Variants in RBFOX2 observed in about 807,000 individuals in gnomAD.
RBFOX2 encodes the protein RNA binding fox-1 homolog 2.
A neutral mutation model predicts 49.1 loss-of-function variants in RBFOX2; 10 were observed. The ratio of observed to expected loss-of-function variants is 0.20; its 90% CI spans 0.13 to 0.35. RBFOX2 has a LOEUF of 0.35. Among genes scored for constraint, RBFOX2 ranks in the 10% least tolerant of loss-of-function variants. RBFOX2 has a pLI of 1.00. For missense variants in RBFOX2, 323 were observed against 486.9 expected, an observed-to-expected ratio of 0.66 and a Z score of 3.17; for synonymous variants, 183 against 187.4, an observed-to-expected ratio of 0.98 and a Z score of 0.19.
chr22:35,978,835 T>C (rs2057322450), intron 1 of RBFOX2, among the ~76,000 whole-genome samples: 1 of 152,120 alleles, frequency 6.6e-6, no homozygotes, highest in African/African-American at 2.4e-5. Flanking sequence ...GACACAGAAA[T>C]AGAGGACTAG....
At chr22:35,861,487 CA>C (rs935147348) in intron 1 of RBFOX2, among the ~76,000 whole-genome samples, 1 of 151,012 alleles carries the variant, frequency 6.6e-6, no homozygotes, top group Non-Finnish European at 1.5e-5. Flanking sequence ...AAAAAATGGG[CA>C]AAAAAAATGA....
chr22:35,861,337 A>G (rs1237755136), intron 1 of RBFOX2, among the ~76,000 whole-genome samples: 2 of 152,194 alleles, frequency 1.3e-5, no homozygotes, highest in African/African-American at 2.4e-5. Flanking sequence ...TTATCAAAAG[A>G]CACTGTGAGG....
At chr22:35,850,192 A>G (rs2041760525) in intron 1 of RBFOX2, among the ~76,000 whole-genome samples, 1 of 132,812 alleles carries the variant, frequency 7.5e-6, no homozygotes, top group Non-Finnish European at 1.6e-5. Flanking sequence ...TCTCTCTCTC[A>G]TACACACACA....
At chr22:35,811,524 T>C (rs529098093) in intron 1 of RBFOX2, among the ~76,000 whole-genome samples, 30 of 152,318 alleles carry the variant, frequency 2.0e-4, no homozygotes, top group Middle Eastern at 6.8e-3. Context: ...CTTGCACTTC[T>C]AGCCTCCAGA....
upstream of RBFOX2, chr22:35,840,648 G>T: frequency 9.5e-7 from 1 of 1,049,986 alleles, no homozygotes; most frequent in Non-Finnish European, 1.2e-6. Flanking sequence ...GTGTGTGTGT[G>T]TGTGTGTGTA....
chr22:35,762,067 G>A (rs1053516075), intron 6 of RBFOX2, among the ~76,000 whole-genome samples: 7 of 152,158 alleles, frequency 4.6e-5, no homozygotes, highest in Admixed American at 3.9e-4. Flanking sequence ...TAAAATTCAA[G>A]GTACATTCCC....
intron 1 of RBFOX2, among the ~76,000 whole-genome samples, chr22:36,013,230 G>A (rs949028252): frequency 6.6e-6 from 1 of 151,514 alleles, no homozygotes; most frequent in African/African-American, 2.4e-5. Flanking sequence ...CTATGATTTC[G>A]CCACTGCACT....
intron 1 of RBFOX2, among the ~76,000 whole-genome samples, chr22:35,902,684 G>C (rs948902142): frequency 6.6e-6 from 1 of 151,446 alleles, no homozygotes; most frequent in Admixed American, 6.6e-5. Context: ...TCACTCTGTC[G>C]CCCAGGCTGG....
chr22:35,791,562 A>C (rs992186636), intron 2 of RBFOX2, among the ~76,000 whole-genome samples: 1 of 152,136 alleles, frequency 6.6e-6, no homozygotes, highest in Admixed American at 6.6e-5. Context: ...AAAGAGACTG[A>C]AAGTACATTC....
At chr22:35,991,791 A>T (rs1199239361) in intron 1 of RBFOX2, among the ~76,000 whole-genome samples, 1 of 152,230 alleles carries the variant, frequency 6.6e-6, no homozygotes, top group Non-Finnish European at 1.5e-5. Flanking sequence ...CACCAGATTC[A>T]GGTTTCTGGC....
intron 1 of RBFOX2, chr22:35,898,207 C>G: frequency 1.3e-6 from 1 of 756,674 alleles, no homozygotes; most frequent in Non-Finnish European, 2.4e-6. Context: ...AACACATCGG[C>G]CCAGGAATCC....
exon 12 of RBFOX2, chr22:35,742,484 TAAAAAC>T (rs1405950516): frequency 6.6e-6 from 1 of 152,664 alleles, no homozygotes; most frequent in African/African-American, 2.4e-5. Context: ...AGGCAGGAGT[TAAAAAC>T]AAACCCAAAA....
chr22:36,004,948 CA>C (rs2146293703), intron 1 of RBFOX2, among the ~76,000 whole-genome samples: 1 of 152,306 alleles, frequency 6.6e-6, no homozygotes, highest in African/African-American at 2.4e-5. Context: ...GAAGTGTCAA[CA>C]CCACCACCTC....
intron 1 of RBFOX2, among the ~76,000 whole-genome samples, chr22:35,861,877 C>T (rs917255846): frequency 9.2e-5 from 14 of 152,066 alleles, no homozygotes; most frequent in Admixed American, 4.6e-4. Context: ...TCCAAATATC[C>T]ATCAACAGAT....
chr22:35,961,687 C>T, upstream of RBFOX2: 7 of 1,302,892 alleles, frequency 5.4e-6, no homozygotes, highest in Non-Finnish European at 7.1e-6. Flanking sequence ...ACCTCACCTC[C>T]TCCTGCTTCC....
upstream of RBFOX2, among the ~76,000 whole-genome samples, chr22:35,940,712 A>T (rs1283167659): frequency 6.6e-6 from 1 of 152,220 alleles, no homozygotes; most frequent in Non-Finnish European, 1.5e-5. Context: ...TGATGAATGG[A>T]TAAATGAAGT....
chr22:35,881,937 C>G (rs2045957827), intron 1 of RBFOX2, among the ~76,000 whole-genome samples: 2 of 139,670 alleles, frequency 1.4e-5, no homozygotes, highest in Non-Finnish European at 3.0e-5. Flanking sequence ...CCAGCCTGGA[C>G]AACAGAGTGA....
chr22:35,750,333 G>A (rs1406381545), intron 9 of RBFOX2: 195 of 776,034 alleles, frequency 2.5e-4, no homozygotes, highest in Non-Finnish European at 1.5e-5. Flanking sequence ...AATAGCTGAT[G>A]TGTATTGCTT....
chr22:35,764,000 C>T (rs938010216), intron 6 of RBFOX2, among the ~76,000 whole-genome samples: 1 of 135,000 alleles, frequency 7.4e-6, no homozygotes, highest in African/African-American at 2.5e-5. Flanking sequence ...TTTGCCTCTC[C>T]TTTCTATTTT....
Sources: allele counts gnomAD v4.1 joint callset (sites outside exome capture counted in the v4.1 genomes callset), GRCh38; gene constraint gnomAD v4.1.1; transcripts MANE v1.5; gene names NCBI Gene and HGNC (gene_info 2026-07-23, HGNC 2026-07-21).